The following STAT5B variants were observed in gnomAD, a reference collection of about 807,000 sequenced individuals.
The protein encoded by STAT5B is signal transducer and activator of transcription 5B.
A neutral mutation model predicts 107.8 loss-of-function variants in STAT5B; 21 were observed. That is an observed-to-expected ratio of 0.19 (90% CI 0.14 to 0.28). The LOEUF is 0.28. STAT5B is among the 10% of genes least tolerant of loss of function. The probability of loss-of-function intolerance (pLI) is 1.00; values close to 1 mark genes in which losing one functional copy is unlikely to be tolerated. For synonymous variants in STAT5B, 325 were observed against 401.7 expected (o/e 0.81, Z 2.28); for missense variants, 565 against 1,008.2 (o/e 0.56, Z 5.95).
intron 1 of STAT5B, among the ~76,000 whole-genome samples, chr17:42,263,917 C>T (rs2080643230): frequency 6.9e-6 from 1 of 145,104 alleles, no homozygotes; most frequent in South Asian, 2.3e-4. Context: ...ACACAGGGAA[C>T]TCCACGACCC....
upstream of STAT5B, among the ~76,000 whole-genome samples, chr17:42,280,930 C>A (rs1320557522): frequency 1.3e-5 from 2 of 151,810 alleles, no homozygotes; most frequent in Non-Finnish European, 1.5e-5. Context: ...GTCAGGCGAT[C>A]GAGACCATCC....
intron 4 of STAT5B, among the ~76,000 whole-genome samples, 176 bp downstream of exon 4, chr17:42,224,603 A>T (rs1598308483): frequency 6.6e-6 from 1 of 151,736 alleles, no homozygotes; most frequent in East Asian, 1.9e-4. Context: ...CAGCCTCCCA[A>T]AGTGCTGGGC....
At chr17:42,217,049 A>G (rs1164895545) in intron 11 of STAT5B, 111 bp downstream of exon 11, 12 of 1,531,308 alleles carry the variant, frequency 7.8e-6, no homozygotes, top group Non-Finnish European at 9.7e-6. Context: ...TCAGTTTACC[A>G]ACAGTCAAAA....
chr17:42,228,448 T>C (rs575644488), intron 2 of STAT5B, among the ~76,000 whole-genome samples: 9 of 152,262 alleles, frequency 5.9e-5, no homozygotes, highest in South Asian at 2.1e-4. Context: ...TAGGCAACAA[T>C]TGACACTGGG....
chr17:42,275,029 T>C (rs2080753322), intron 1 of STAT5B: 1 of 152,192 alleles, frequency 6.6e-6, no homozygotes, highest in African/African-American at 2.4e-5. Flanking sequence ...ATGTATGGAA[T>C]TGTATCTAGG....
At chr17:42,250,495 A>T (rs542578033) in intron 1 of STAT5B, among the ~76,000 whole-genome samples, 165 of 152,358 alleles carry the variant, frequency 1.1e-3, no homozygotes, top group Admixed American at 3.1e-3. Flanking sequence ...CAAAGGAATA[A>T]GCATGGGAAA....
chr17:42,253,857 C>T (rs2080520015), intron 1 of STAT5B, among the ~76,000 whole-genome samples: 1 of 152,132 alleles, frequency 6.6e-6, no homozygotes, highest in Admixed American at 6.6e-5. Context: ...TGGATAATTT[C>T]TCATTGTCAA....
intron 1 of STAT5B, among the ~76,000 whole-genome samples, chr17:42,265,252 C>T (rs917240455): frequency 6.6e-6 from 1 of 152,030 alleles, no homozygotes; most frequent in Non-Finnish European, 1.5e-5. Context: ...GTTGCCATCG[C>T]TTTTGGTGTT....
intron 1 of STAT5B, among the ~76,000 whole-genome samples, chr17:42,240,615 T>C (rs2080394060): frequency 6.6e-6 from 1 of 152,174 alleles, no homozygotes; most frequent in Non-Finnish European, 1.5e-5. Context: ...GTGAATTTTA[T>C]AGTGCGTGAT....
chr17:42,223,921 C>A (rs1049898581), intron 4 of STAT5B, among the ~76,000 whole-genome samples: 22 of 152,168 alleles, frequency 1.4e-4, no homozygotes, highest in Non-Finnish European at 1.5e-5. Flanking sequence ...CTCTTCCACT[C>A]ACTGACCCAA....
chr17:42,261,399 C>T (rs1326601883), intron 1 of STAT5B, among the ~76,000 whole-genome samples: 3 of 152,106 alleles, frequency 2.0e-5, no homozygotes, highest in Middle Eastern at 6.8e-3. Context: ...TAATTAACTA[C>T]TTTATGGATT....
chr17:42,215,708 G>A (rs1269224698), intron 12 of STAT5B, among the ~76,000 whole-genome samples: 4 of 151,758 alleles, frequency 2.6e-5, no homozygotes, highest in Admixed American at 1.3e-4. Flanking sequence ...AACCTCTGCC[G>A]CTCGGGTTCA....
At chr17:42,210,933 G>A (rs893653228) in intron 13 of STAT5B, among the ~76,000 whole-genome samples, 1 of 152,176 alleles carries the variant, frequency 6.6e-6, no homozygotes, top group Non-Finnish European at 1.5e-5. Context: ...GGGCATGGTG[G>A]CTCACGTCTG....
At chr17:42,231,319 T>C (rs1401637403) in intron 2 of STAT5B, among the ~76,000 whole-genome samples, 1 of 152,098 alleles carries the variant, frequency 6.6e-6, no homozygotes, top group Non-Finnish European at 1.5e-5. Flanking sequence ...CACTGAATTA[T>C]CTGGAGATGA....
intron 3 of STAT5B, among the ~76,000 whole-genome samples, chr17:42,227,099 C>T (rs1442311334): frequency 6.7e-6 from 1 of 149,516 alleles, no homozygotes; most frequent in Admixed American, 6.7e-5. Context: ...TGCTCCACTG[C>T]ACTCCAGCCT....
chr17:42,254,791 T>A (rs1022811632), intron 1 of STAT5B, among the ~76,000 whole-genome samples: 15 of 151,866 alleles, frequency 9.9e-5, no homozygotes, highest in African/African-American at 3.6e-4. Context: ...AGAAAATTTT[T>A]AAAAATGGAA....
chr17:42,263,017 A>ATAT (rs2080630775), intron 1 of STAT5B, among the ~76,000 whole-genome samples: 1 of 22,794 alleles, frequency 4.4e-5, no homozygotes, highest in South Asian at 2.0e-3. Context: ...TATATATATA[A>ATAT]AAAAACAAAA....
chr17:42,262,780 A>T (rs567421684), intron 1 of STAT5B, among the ~76,000 whole-genome samples: 1 of 128,656 alleles, frequency 7.8e-6, no homozygotes, highest in Non-Finnish European at 1.6e-5. Flanking sequence ...ATATATGTAT[A>T]TATATACACA....
chr17:42,237,850 C>T (rs895640258), intron 1 of STAT5B, among the ~76,000 whole-genome samples: 2 of 152,072 alleles, frequency 1.3e-5, no homozygotes, highest in African/African-American at 4.8e-5. Context: ...AATACTTATG[C>T]CCCTTAGGGG....
Sources: gnomAD v4.1 joint callset for allele counts (sites outside exome capture counted in the v4.1 genomes callset) on GRCh38, gnomAD v4.1.1 for gene constraint, MANE v1.5 for transcripts, NCBI Gene and HGNC (gene_info 2026-07-23, HGNC 2026-07-21) for gene names.